Variants in ASTN2 observed in about 807,000 individuals in gnomAD.
The protein encoded by ASTN2 is astrotactin-2.
In ASTN2, 54 loss-of-function variants were observed where a neutral mutation model predicts 139.8. The ratio of observed to expected loss-of-function variants is 0.39; its 90% CI spans 0.31 to 0.48. The LOEUF (loss-of-function observed/expected upper bound fraction) is 0.48, where lower values mean the gene tolerates loss of function less well. Ranked by LOEUF, ASTN2 falls within the 20% of genes least tolerant of loss-of-function variation. The pLI is 0.95. For missense variants in ASTN2, 1,565 were observed against 1,725.1 expected (o/e 0.91, Z 1.64); for synonymous variants, 756 against 719.5 (o/e 1.05, Z -0.81).
At chr9:116,917,880 T>C (rs1834494877) in intron 10 of ASTN2, among the ~76,000 whole-genome samples, 1 of 152,238 alleles carries the variant, frequency 6.6e-6, no homozygotes, top group African/African-American at 2.4e-5. Context: ...GGTTTGGCTG[T>C]GTCACCACCT....
At chr9:117,140,502 C>T (rs745652608) in intron 4 of ASTN2, among the ~76,000 whole-genome samples, 23 of 151,644 alleles carry the variant, frequency 1.5e-4, no homozygotes, top group Non-Finnish European at 3.1e-4. Context: ...TGATTTCCTT[C>T]ATATACGAAG....
At chr9:116,600,323 CAAAAAAAAA>C (rs35224783) in intron 19 of ASTN2, among the ~76,000 whole-genome samples, 1 of 118,944 alleles carries the variant, frequency 8.4e-6, no homozygotes, top group African/African-American at 3.4e-5. Flanking sequence ...GACCCTGTCT[CAAAAAAAAA>C]AAAAAAAAAA....
intron 4 of ASTN2, among the ~76,000 whole-genome samples, chr9:117,118,164 T>C (rs1052757513): frequency 6.6e-6 from 1 of 152,196 alleles, no homozygotes; most frequent in Non-Finnish European, 1.5e-5. Flanking sequence ...TTCCCTGTTT[T>C]CTTTTATAAA....
chr9:116,802,802 T>C (rs913812071), intron 13 of ASTN2, among the ~76,000 whole-genome samples: 1 of 152,230 alleles, frequency 6.6e-6, no homozygotes, highest in Non-Finnish European at 1.5e-5. Flanking sequence ...GCATGTTCAT[T>C]GGCAGTCTGT....
At chr9:116,891,136 A>T (rs926386356) in intron 10 of ASTN2, among the ~76,000 whole-genome samples, 1 of 152,174 alleles carries the variant, frequency 6.6e-6, no homozygotes, top group Non-Finnish European at 1.5e-5. Context: ...ATGTACCTTG[A>T]TATTTGCATT....
At position 116,642,145 on chromosome 9, in the gene ASTN2, AC is replaced by A. The variant is rs200930257; in HGVS notation, c.3072+9382del. 4.4e-3 allele frequency among the ~76,000 whole-genome samples: 625 copies of A among 140,680 alleles called. 49 individuals are homozygous for A. Among genetic ancestry groups the A allele is most frequent in the African/African-American group, 0.016 (553 of 33,740 alleles). The allele number at this position is 140,680 out of a possible 152,430, so 92.3% of individuals were successfully genotyped here. On this transcript the variant is annotated intron_variant, in intron 17 of 22. Transcript: ENST00000313400. ...GCTCCCAACCCACAAAAAAAAAAAAACAAAAAAAAACAGAATCAGTAGGAAG... is the reference window on the plus strand; with the variant it reads ...GCTCCCAACCCACAAAAAAAAAAAAAAAAAAAAAACAGAATCAGTAGGAAG...
At chr9:117,002,931 G>C (rs183898466) in intron 7 of ASTN2, among the ~76,000 whole-genome samples, 8 of 152,148 alleles carry the variant, frequency 5.3e-5, no homozygotes, top group Admixed American at 2.0e-4. Context: ...CTAGAGAGAG[G>C]GGTTCAGGAA....
chr9:117,075,877 G>A (rs565051038), intron 5 of ASTN2, among the ~76,000 whole-genome samples: 1 of 152,224 alleles, frequency 6.6e-6, no homozygotes, highest in Admixed American at 6.5e-5. Flanking sequence ...ATCTCATATT[G>A]TAAGGGCTAA....
chr9:116,490,663 A>G (rs571834530), intron 19 of ASTN2, among the ~76,000 whole-genome samples: 1 of 152,274 alleles, frequency 6.6e-6, no homozygotes, highest in African/African-American at 2.4e-5. Flanking sequence ...GTGGCAGGAG[A>G]GAGAATGAGT....
intron 20 of ASTN2, among the ~76,000 whole-genome samples, chr9:116,466,080 G>C (rs919714641): frequency 6.6e-6 from 1 of 152,110 alleles, no homozygotes; most frequent in African/African-American, 2.4e-5. Flanking sequence ...GACAAAGCAG[G>C]GTTTATTGCC....
chr9:116,914,581 A>AT (rs917437769), intron 10 of ASTN2, among the ~76,000 whole-genome samples: 1,892 of 147,236 alleles, frequency 0.013, 18 homozygotes, highest in Middle Eastern at 0.047. Flanking sequence ...ATTTATATAT[A>AT]TTTTTTTTTA....
chr9:117,132,588 A>G (rs1415003787), intron 4 of ASTN2, among the ~76,000 whole-genome samples: 1 of 152,184 alleles, frequency 6.6e-6, no homozygotes, highest in Non-Finnish European at 1.5e-5. Context: ...TGAAGGAGAC[A>G]TACACTTTCA....
chr9:117,212,277 C>A (rs1260549421), intron 3 of ASTN2, among the ~76,000 whole-genome samples: 1 of 151,934 alleles, frequency 6.6e-6, no homozygotes, highest in Admixed American at 6.6e-5. Context: ...AATCAAAGAC[C>A]TAAATGTAAG....
At chr9:117,066,049 G>C (rs895087265) in intron 5 of ASTN2, among the ~76,000 whole-genome samples, 1 of 149,546 alleles carries the variant, frequency 6.7e-6, no homozygotes, top group South Asian at 2.2e-4. Flanking sequence ...TTAAGTTTTA[G>C]GGTACATGTG....
chr9:116,488,953 A>T (rs1201815033), intron 19 of ASTN2, among the ~76,000 whole-genome samples: 1 of 152,202 alleles, frequency 6.6e-6, no homozygotes, highest in East Asian at 1.9e-4. Flanking sequence ...AAATTGGATG[A>T]TCTAGGAAAA....
intron 3 of ASTN2, among the ~76,000 whole-genome samples, chr9:117,171,870 C>T (rs1049547524): frequency 2.0e-5 from 3 of 152,058 alleles, no homozygotes; most frequent in African/African-American, 7.2e-5. Flanking sequence ...AACTAATACA[C>T]TATCTAAACA....
intron 10 of ASTN2, among the ~76,000 whole-genome samples, chr9:116,877,085 G>A (rs1243242531): frequency 2.0e-5 from 3 of 151,940 alleles, no homozygotes; most frequent in Non-Finnish European, 4.4e-5. Context: ...TTCACAAATC[G>A]CACATTTACC....
chr9:116,735,840 C>T (rs970411718), intron 13 of ASTN2, among the ~76,000 whole-genome samples: 1 of 152,190 alleles, frequency 6.6e-6, no homozygotes, highest in Non-Finnish European at 1.5e-5. Flanking sequence ...AGCTGTGTAA[C>T]CTGGAGCAAA....
At chr9:117,345,054 G>A (rs1406837968) in intron 1 of ASTN2, among the ~76,000 whole-genome samples, 2 of 152,156 alleles carry the variant, frequency 1.3e-5, no homozygotes, top group Non-Finnish European at 2.9e-5. Context: ...CAGGGTTAGA[G>A]GTGGGAGGGT....
Sources: allele counts gnomAD v4.1 joint callset (sites outside exome capture counted in the v4.1 genomes callset), GRCh38; gene constraint gnomAD v4.1.1; transcripts MANE v1.5; gene names NCBI Gene and HGNC (gene_info 2026-07-23, HGNC 2026-07-21).